GPC6: variants seen among roughly 807,000 people sequenced by gnomAD.
GPC6 encodes glypican 6.
Under a neutral mutation model 55.2 loss-of-function variants are expected in GPC6, and 14 were observed. That is an observed-to-expected ratio of 0.25 (90% CI 0.17 to 0.40). The LOEUF (loss-of-function observed/expected upper bound fraction) is 0.40. GPC6 is among the 10% of genes least tolerant of loss of function. The pLI is 1.00. For missense variants in GPC6, 641 were observed against 708.5 expected (o/e 0.90, Z 1.08); for synonymous variants, 278 against 259.6 (o/e 1.07, Z -0.68).
intron 2 of GPC6, among the ~76,000 whole-genome samples, chr13:93,823,799 A>G (rs1170874284): frequency 6.6e-6 from 1 of 152,156 alleles, no homozygotes; most frequent in Admixed American, 6.6e-5. Context: ...GATTCCTACT[A>G]TGAGATCACT....
chr13:94,286,248 C>T, intron 4 of GPC6, 101 bp from the exon 5 acceptor site: 1 of 1,197,220 alleles, frequency 8.4e-7, no homozygotes. Flanking sequence ...AACGTGAATG[C>T]ACCATTATTT....
intron 1 of GPC6, among the ~76,000 whole-genome samples, chr13:93,425,117 T>C (rs1427397606): frequency 1.3e-5 from 2 of 152,192 alleles, no homozygotes; most frequent in East Asian, 1.9e-4. Context: ...AATTAATATA[T>C]TTAATGCAAT....
At chr13:93,605,277 T>A (rs1487718769) in intron 2 of GPC6, among the ~76,000 whole-genome samples, 4 of 152,168 alleles carry the variant, frequency 2.6e-5, no homozygotes, top group Non-Finnish European at 5.9e-5. Context: ...ATGAGAGAAC[T>A]ATTTAGAGTA....
At chr13:93,767,446 C>T (rs775600960) in intron 2 of GPC6, among the ~76,000 whole-genome samples, 3 of 152,138 alleles carry the variant, frequency 2.0e-5, no homozygotes, top group Admixed American at 6.6e-5. Flanking sequence ...AACTTAGTGT[C>T]TATTGCCTCA....
rs540026573 is a variant in GPC6, at chr13:93,442,239, T to G, written c.161-103024T>G. 1.6e-4 allele frequency among the ~76,000 whole-genome samples: 24 copies of G among 152,094 alleles called. 2 individuals are homozygous for G. In the South Asian group the frequency reaches 4.8e-3, roughly 30 times the overall value. On this transcript the variant is annotated intron_variant, in intron 1 of 8. Transcript: ENST00000377047. ...AGTAAAGACATAATGAAAAGGAGTT[T>G]AGGAAGATTTTCTAGCAGCATTGTG...
intron 4 of GPC6, among the ~76,000 whole-genome samples, chr13:94,072,439 T>C (rs185716420): frequency 9.2e-5 from 14 of 152,284 alleles, no homozygotes; most frequent in Admixed American, 1.3e-4. Flanking sequence ...ACTGAGCCTC[T>C]GCCTCCCGGG....
At chr13:93,306,780 G>A (rs1878870554) in intron 1 of GPC6, among the ~76,000 whole-genome samples, 1 of 152,102 alleles carries the variant, frequency 6.6e-6, no homozygotes. Flanking sequence ...TGAAGTTACA[G>A]ATCAAAAATA....
At chr13:93,472,223 G>GA (rs747195895) in intron 1 of GPC6, among the ~76,000 whole-genome samples, 27 of 152,202 alleles carry the variant, frequency 1.8e-4, no homozygotes, top group African/African-American at 5.8e-4. Context: ...TGATCTTTGG[G>GA]ATGTTATTTT....
chr13:93,255,413 A>C (rs1015336562), intron 1 of GPC6, among the ~76,000 whole-genome samples: 1 of 152,146 alleles, frequency 6.6e-6, no homozygotes, highest in Admixed American at 6.5e-5. Flanking sequence ...CACCATACTG[A>C]TCTAACACTG....
At chr13:94,150,084 T>G (rs80066174) in intron 4 of GPC6, among the ~76,000 whole-genome samples, 1 of 152,156 alleles carries the variant, frequency 6.6e-6, no homozygotes, top group East Asian at 1.9e-4. Context: ...ACCAAGCCCT[T>G]CTTGGTGCCC....
At position 94,405,718 on chromosome 13, in the gene GPC6, A is replaced by T. The variant is rs1881339685; in HGVS notation, c.*2501A>T. On this transcript the variant is annotated 3_prime_UTR_variant, in exon 9 of 9. Coordinates refer to ENST00000377047, the MANE Select transcript of GPC6 (RefSeq NM_005708.5). ...CACCTTCATTATCAATATGATTCATATTGATGAGATATAGTGATGCATAAT... is the reference window on the plus strand; with the variant it reads ...CACCTTCATTATCAATATGATTCATTTTGATGAGATATAGTGATGCATAAT... The T allele has an allele frequency of 6.6e-6, 1 of 152,156 alleles. No homozygotes were observed. The highest frequency in any genetic ancestry group is 1.5e-5 in the Non-Finnish European group (1 of 68,018). The allele number at this position is 152,156 out of a possible 1,614,324, so 9.4% of individuals were successfully genotyped here. A position where few individuals can be genotyped will look rare whatever the true frequency, so the allele number is the denominator to read the frequency against.
chr13:93,442,105 G>A (rs535941539), intron 1 of GPC6, among the ~76,000 whole-genome samples: 1 of 152,262 alleles, frequency 6.6e-6, no homozygotes, highest in Non-Finnish European at 1.5e-5. Context: ...AGGAAGTAAA[G>A]GGTCTTTTGG....
intron 6 of GPC6, among the ~76,000 whole-genome samples, chr13:94,320,578 T>G (rs1876768411): frequency 6.6e-6 from 1 of 152,240 alleles, no homozygotes; most frequent in South Asian, 2.1e-4. Context: ...TGTGGTGGGT[T>G]AGTGATACTG....
chr13:94,062,883 C>G (rs1158324550), intron 4 of GPC6, among the ~76,000 whole-genome samples: 2 of 152,168 alleles, frequency 1.3e-5, no homozygotes. Context: ...AAATCTTTAA[C>G]CGGATGAATA....
chr13:93,433,924 A>G (rs1382284072), intron 1 of GPC6, among the ~76,000 whole-genome samples: 1 of 152,230 alleles, frequency 6.6e-6, no homozygotes, highest in East Asian at 1.9e-4. Context: ...CAGTGAGTTC[A>G]CGCTATGTAT....
At chr13:94,003,787 C>T (rs1338742265) in intron 3 of GPC6, among the ~76,000 whole-genome samples, 2 of 152,034 alleles carry the variant, frequency 1.3e-5, no homozygotes, top group African/African-American at 2.4e-5. Context: ...ATTATAATTA[C>T]CCCTCAATGT....
At chr13:94,258,831 T>G (rs1891575836) in intron 4 of GPC6, among the ~76,000 whole-genome samples, 1 of 152,200 alleles carries the variant, frequency 6.6e-6, no homozygotes, top group African/African-American at 2.4e-5. Flanking sequence ...AGACTCAGGC[T>G]CCTCTCATCT....
At chr13:93,633,125 A>C (rs1879530951) in intron 2 of GPC6, among the ~76,000 whole-genome samples, 1 of 152,162 alleles carries the variant, frequency 6.6e-6, no homozygotes, top group African/African-American at 2.4e-5. Context: ...ATGTGTTCTC[A>C]TGGGTCATAC....
At chr13:93,789,538 CAGTTAATATAGGGACTTAGTTAATA>C (rs1885936265) in intron 2 of GPC6, among the ~76,000 whole-genome samples, 2 of 102,278 alleles carry the variant, frequency 2.0e-5, no homozygotes, top group African/African-American at 7.9e-5. Flanking sequence ...TATATATAGT[CAGTTAATATAGGGACTTAGTTAATA>C]ATATATATAT....
Sources: gnomAD v4.1 joint callset for allele counts (sites outside exome capture counted in the v4.1 genomes callset) on GRCh38, gnomAD v4.1.1 for gene constraint, MANE v1.5 for transcripts, NCBI Gene and HGNC (gene_info 2026-07-23, HGNC 2026-07-21) for gene names.